TWSG1: variants seen among roughly 807,000 people sequenced by gnomAD.
TWSG1 encodes the protein twisted gastrulation protein homolog 1.
In TWSG1, 15 loss-of-function variants were observed where a neutral mutation model predicts 23.0. The ratio of observed to expected loss-of-function variants is 0.65; its 90% CI spans 0.44 to 1.00. The LOEUF is 1.00. Among genes scored for constraint, TWSG1 ranks in the 50% least tolerant of loss-of-function variants. The pLI, the probability that TWSG1 is intolerant of heterozygous loss-of-function variation, is 0.00. For synonymous variants in TWSG1, 86 were observed against 92.8 expected, an observed-to-expected ratio of 0.93 and a Z score of 0.42; for missense variants, 242 against 278.7, an observed-to-expected ratio of 0.87 and a Z score of 0.94.
chr18:9,344,747 G>A (rs7233751), intron 2 of TWSG1, among the ~76,000 whole-genome samples: 1 of 150,846 alleles, frequency 6.6e-6, no homozygotes, highest in African/African-American at 2.4e-5. Flanking sequence ...GCTCTTTTTT[G>A]TGTGTGTGTG....
At chr18:9,353,302 A>T (rs2040510423) in intron 2 of TWSG1, among the ~76,000 whole-genome samples, 1 of 152,348 alleles carries the variant, frequency 6.6e-6, no homozygotes, top group South Asian at 2.1e-4. Context: ...AAGATGATCG[A>T]ATCTGTCTTC....
At chr18:9,339,662 G>A (rs1370267256) in intron 2 of TWSG1, among the ~76,000 whole-genome samples, 1 of 152,120 alleles carries the variant, frequency 6.6e-6, no homozygotes, top group African/African-American at 2.4e-5. Flanking sequence ...AATTAGCTGA[G>A]CATGGCGGTG....
At chr18:9,379,217 A>G (rs905874842) in intron 3 of TWSG1, among the ~76,000 whole-genome samples, 14 of 152,164 alleles carry the variant, frequency 9.2e-5, no homozygotes, top group Non-Finnish European at 1.8e-4. Flanking sequence ...AAAGACACAT[A>G]TGTTCATTTC....
At chr18:9,339,965 G>T (rs1226694253) in intron 2 of TWSG1, among the ~76,000 whole-genome samples, 1 of 152,206 alleles carries the variant, frequency 6.6e-6, no homozygotes, top group Non-Finnish European at 1.5e-5. Flanking sequence ...CATGGATGCT[G>T]ACATTTCTGA....
chr18:9,360,493 T>TA (rs1568034089), intron 3 of TWSG1, among the ~76,000 whole-genome samples: 1 of 152,198 alleles, frequency 6.6e-6, no homozygotes, highest in African/African-American at 2.4e-5. Flanking sequence ...AAAGAAAACT[T>TA]ACGTGTGTAG....
chr18:9,382,753 G>A (rs2040663508), intron 3 of TWSG1, among the ~76,000 whole-genome samples: 1 of 147,408 alleles, frequency 6.8e-6, no homozygotes, highest in Non-Finnish European at 1.5e-5. Context: ...ATTGCAGTGA[G>A]CTGAGATCAT....
chr18:9,388,796 C>T (rs566482630), intron 3 of TWSG1, among the ~76,000 whole-genome samples: 1 of 152,340 alleles, frequency 6.6e-6, no homozygotes, highest in Admixed American at 6.5e-5. Context: ...CTCTGTCAGT[C>T]TTCCTGCCTC....
intron 3 of TWSG1, among the ~76,000 whole-genome samples, chr18:9,369,069 A>G (rs1384653823): frequency 6.6e-6 from 1 of 152,078 alleles, no homozygotes; most frequent in Non-Finnish European, 1.5e-5. Flanking sequence ...AGATAGTGCC[A>G]TTGCACTCCA....
intron 3 of TWSG1, among the ~76,000 whole-genome samples, chr18:9,386,904 A>G (rs1416338688): frequency 6.6e-6 from 1 of 152,270 alleles, no homozygotes; most frequent in Non-Finnish European, 1.5e-5. Flanking sequence ...CTGTCAAATT[A>G]TCAGGAATGT....
intron 3 of TWSG1, among the ~76,000 whole-genome samples, chr18:9,370,446 C>T (rs1243736873): frequency 6.6e-6 from 1 of 152,186 alleles, no homozygotes; most frequent in African/African-American, 2.4e-5. Context: ...TGTTGAATTT[C>T]ACTGAACACA....
chr18:9,361,903 C>T (rs2040554412), intron 3 of TWSG1, among the ~76,000 whole-genome samples: 1 of 152,230 alleles, frequency 6.6e-6, no homozygotes, highest in African/African-American at 2.4e-5. Flanking sequence ...GCACCTCCAG[C>T]TCCTGAGTCT....
In TWSG1 at chr18:9,400,301, A is replaced by AAGG. The variant is rs1345758208; in HGVS notation, c.*774_*775insAGG. 2.7e-4 allele frequency: 1 copy of AAGG among 3,764 alleles called. No homozygotes were observed. Among genetic ancestry groups the AAGG allele is most frequent in the Non-Finnish European group, 0.013 (1 of 80 alleles). 0.2% of individuals were successfully genotyped at this position (3,764 alleles called of 1,614,324 possible). A position where few individuals can be genotyped will look rare whatever the true frequency, so the allele number is the denominator to read the frequency against. On this transcript the variant is annotated 3_prime_UTR_variant, in exon 5 of 5. Transcript: ENST00000262120. ...GCACTGCTGGTGTAAATAATTAGCA[A>AAGG]GCAAAGCGTTTCTGTGACTTCAGGT...
chr18:9,377,604 A>G (rs1291803289), intron 3 of TWSG1, among the ~76,000 whole-genome samples: 1 of 152,248 alleles, frequency 6.6e-6, no homozygotes, highest in Non-Finnish European at 1.5e-5. Flanking sequence ...CTGTTTCACA[A>G]AAATTAACTC....
rs78373522 is a variant in TWSG1, at chr18:9,345,589, G to A, written c.123+8237G>A. Among the ~76,000 whole-genome samples, 1,050 of 152,246 alleles carry A rather than the reference G, an allele frequency of 6.9e-3. 12 individuals are homozygous for A. The highest frequency in any genetic ancestry group is 0.024 in the African/African-American group (993 of 41,544). ...ACCATAAACGGTTTATTTATGGACTGTCAGTTCTATTCTATTGGTTTATAT... is the reference window on the plus strand; with the variant it reads ...ACCATAAACGGTTTATTTATGGACTATCAGTTCTATTCTATTGGTTTATAT... On this transcript the variant is annotated intron_variant, in intron 2 of 4. Transcript: ENST00000262120.
At position 9,344,491 on chromosome 18, in the gene TWSG1, A is replaced by ATGTGTGTG. The variant is rs57863617; in HGVS notation, c.123+7163_123+7170dup. Among the ~76,000 whole-genome samples the ATGTGTGTG allele has an allele frequency of 8.5e-3, 1,168 of 136,766 alleles. 25 individuals carry two copies. The highest frequency in any genetic ancestry group is 0.032 in the African/African-American group (1,128 of 35,652). The allele number at this position is 136,766 out of a possible 152,430, so 89.7% of individuals were successfully genotyped here. A position where few individuals can be genotyped will look rare whatever the true frequency, so the allele number is the denominator to read the frequency against. ...ATCTTTTTATGTGCTTAGTGAATGC[A>ATGTGTGTG]TGTGTGTGTGTGTGTGTGTGTGTGT... On this transcript the variant is annotated intron_variant, in intron 2 of 4. Transcript: ENST00000262120.
chr18:9,340,135 G>A (rs542444477), intron 2 of TWSG1, among the ~76,000 whole-genome samples: 31 of 152,126 alleles, frequency 2.0e-4, no homozygotes, highest in South Asian at 1.7e-3. Flanking sequence ...TCAGAAGGCC[G>A]AGGCGGGCGG....
In TWSG1 at chr18:9,367,688, C is replaced by T. The variant is rs549857696; in HGVS notation, c.223+7617C>T. ...CGAACCCTATTGTGAACTGCACATA[C>T]GAGGGGTCTCAGTTGCATGCTCCTT... On this transcript the variant is annotated intron_variant, in intron 3 of 4. Transcript: ENST00000262120. Among the ~76,000 whole-genome samples, 8 of 152,278 alleles carry T rather than the reference C, an allele frequency of 5.3e-5. No homozygotes were observed. In the South Asian group the frequency reaches 6.2e-4, roughly 12 times the overall value.
chr18:9,336,296 A>C (rs538089177), intron 1 of TWSG1, among the ~76,000 whole-genome samples: 1 of 152,030 alleles, frequency 6.6e-6, no homozygotes, highest in African/African-American at 2.4e-5. Flanking sequence ...GGAGGCTGAG[A>C]CAGGAGAATC....
At chr18:9,349,833 T>C (rs534340503) in intron 2 of TWSG1, among the ~76,000 whole-genome samples, 3 of 152,186 alleles carry the variant, frequency 2.0e-5, no homozygotes, top group Non-Finnish European at 4.4e-5. Flanking sequence ...CATCCCATTT[T>C]CCTGCTCTTA....
Sources: allele counts gnomAD v4.1 joint callset (sites outside exome capture counted in the v4.1 genomes callset), GRCh38; gene constraint gnomAD v4.1.1; transcripts MANE v1.5; gene names NCBI Gene and HGNC (gene_info 2026-07-23, HGNC 2026-07-21).